Variants in C7orf25 observed in about 807,000 individuals in gnomAD.
C7orf25 encodes the protein chromosome 7 open reading frame 25.
Under a neutral mutation model 25.5 loss-of-function variants are expected in C7orf25, and 14 were observed. The ratio of observed to expected loss-of-function variants is 0.55; its 90% CI spans 0.36 to 0.86. C7orf25 has a LOEUF of 0.86. Among genes scored for constraint, C7orf25 ranks in the 40% least tolerant of loss-of-function variants. The pLI is 0.01. For synonymous variants in C7orf25, 184 were observed against 179.9 expected (o/e 1.02, Z -0.18); for missense variants, 405 against 493.9 (o/e 0.82, Z 1.71).
intron 1 of C7orf25, chr7:42,911,129 G>A: frequency 1.1e-6 from 1 of 879,174 alleles, no homozygotes; most frequent in Non-Finnish European, 1.8e-6. Context: ...TCTTCTTTAG[G>A]TACGTCTGAC....
chr7:42,909,673 G>T lies in C7orf25; in HGVS notation c.1228C>A (p.Pro410Thr). 6.2e-7 allele frequency: 1 copy of T among 1,613,966 alleles called. No homozygotes were observed. The highest frequency in any genetic ancestry group is 8.5e-7 in the Non-Finnish European group (1 of 1,179,958). Residue 410 changes from proline to threonine, a missense_variant, in exon 2 of 2, where the codon CCC (proline) becomes ACC (threonine). By Grantham distance (38) the Pro-to-Thr change is conservative (BLOSUM62 -1). Transcript: ENST00000350427. ...TCAGTTGTGTAGTCTTTTGGTAAGGGGGTGGCTAGAGCCTCTTTACTCTCA... is the reference window on the plus strand; with the variant it reads ...TCAGTTGTGTAGTCTTTTGGTAAGGTGGTGGCTAGAGCCTCTTTACTCTCA... ...LTESKEALAT[P>T]LPKDYTTDSE... is the part of the protein sequence containing the mutation.
chr7:42,911,873 G>T (rs1388272881), intron 1 of C7orf25, 42 bp downstream of exon 1: 1 of 1,400,920 alleles, frequency 7.1e-7, no homozygotes, highest in Non-Finnish European at 9.2e-7. Context: ...CAGAAGAGGC[G>T]CCCCGCTCCC....
At position 42,910,101 on chromosome 7, in the gene C7orf25, C is replaced by T; in HGVS notation, c.800G>A (p.Cys267Tyr). The change falls in exon 2 of 2, where the codon TGC becomes TAC. Residue 267 changes from cysteine to tyrosine, a missense_variant. Transcript: ENST00000350427. ...CACTTTCTCTTTGAAAATAAAGTGG[C>T]AGCCTCCATAGCTGAGGGCAGATAC... is the stretch of plus-strand genomic sequence containing the variant. The part of the protein sequence containing the change: ...TYVSALSYGG[C>Y]HFIFKEKVLT... 1.9e-6 allele frequency: 3 copies of T among 1,614,148 alleles called. No individual in the cohort carries two copies. Among genetic ancestry groups the T allele is most frequent in the Non-Finnish European group, 2.5e-6 (3 of 1,180,030 alleles).
rs545063211 is a variant in C7orf25, at chr7:42,909,407, T to C, written c.*228A>G. 2 of 490,380 alleles carry C rather than the reference T, an allele frequency of 4.1e-6. No individual in the cohort carries two copies. The highest frequency in any genetic ancestry group is 6.4e-5 in the East Asian group (2 of 31,198). The allele number at this position is 490,380 out of a possible 1,614,324, so 30.4% of individuals were successfully genotyped here. ...GCTGAAAGCTTTATATAGACGTATTTCGGTTCTTAATTGCACTAATGCAGA... is the reference window on the plus strand; with the variant it reads ...GCTGAAAGCTTTATATAGACGTATTCCGGTTCTTAATTGCACTAATGCAGA... On this transcript the variant is annotated 3_prime_UTR_variant, in exon 2 of 2. Coordinates refer to ENST00000350427, the MANE Select transcript of C7orf25 (RefSeq NM_001099858.2).
rs1785824641 is a variant in C7orf25 at position 42,909,346 on chromosome 7, A to G, written c.*289T>C. ...CATGAAATGTGGTTAGCAGTAGGGGAGTTGTAGCCCTATCGAATCAAAGTA... is the reference window on the plus strand; with the variant it reads ...CATGAAATGTGGTTAGCAGTAGGGGGGTTGTAGCCCTATCGAATCAAAGTA... On this transcript the variant is annotated 3_prime_UTR_variant, in exon 2 of 2. Coordinates refer to ENST00000350427, the MANE Select transcript of C7orf25 (RefSeq NM_001099858.2). 1 of 301,712 alleles carries G rather than the reference A, an allele frequency of 3.3e-6. No homozygotes were observed. Among genetic ancestry groups the G allele is most frequent in the Non-Finnish European group, 6.1e-6 (1 of 164,678 alleles). 18.7% of individuals were successfully genotyped at this position (301,712 alleles called of 1,614,324 possible). A position where few individuals can be genotyped will look rare whatever the true frequency, so the allele number is the denominator to read the frequency against.
Position 42,912,038 on chromosome 7 carries a change from G to C in C7orf25, c.-145C>G. ...AACGCCGAGGCGGCTCCACCCGCGC[G>C]AGCCCCGCCGCCTCGGGCACCTCCT... On this transcript the variant is annotated 5_prime_UTR_variant, in exon 1 of 2. Coordinates refer to ENST00000350427, the MANE Select transcript of C7orf25 (RefSeq NM_001099858.2). 6.8e-7 allele frequency: 1 copy of C among 1,468,546 alleles called. No homozygotes were observed. The highest frequency in any genetic ancestry group is 8.9e-7 in the Non-Finnish European group (1 of 1,118,128). The allele number at this position is 1,468,546 out of a possible 1,614,324, so 91.0% of individuals were successfully genotyped here. A position where few individuals can be genotyped will look rare whatever the true frequency, so the allele number is the denominator to read the frequency against.
Position 42,909,946 on chromosome 7 carries a change from C to T in C7orf25, c.955G>A (p.Gly319Arg), listed in dbSNP as rs1472872420. The change falls in exon 2 of 2, where the codon GGA becomes AGA. Residue 319 changes from glycine (G) to arginine (R), a missense_variant. By Grantham distance (125) the Gly-to-Arg change is moderately radical (BLOSUM62 -2). Transcript: ENST00000350427. ...KDFQSILDTL[G>R]GPGERERATV... ...GCCCTCTCTCTCTCCCCAGGTCCTC[C>T]TAAGGTATCTAAAATAGACTGAAAG... 1 of 1,614,142 alleles carries T rather than the reference C, an allele frequency of 6.2e-7. No individual in the cohort carries two copies. Among genetic ancestry groups the T allele is most frequent in the Non-Finnish European group, 8.5e-7 (1 of 1,180,022 alleles).
In C7orf25 at chr7:42,909,479, G is replaced by T. The variant is rs368665673; in HGVS notation, c.*156C>A. 5.5e-6 allele frequency: 4 copies of T among 727,788 alleles called. No homozygotes were observed. Among genetic ancestry groups the T allele is most frequent in the Non-Finnish European group, 8.7e-6 (4 of 460,330 alleles). 45.1% of individuals were successfully genotyped at this position (727,788 alleles called of 1,614,324 possible). A position where few individuals can be genotyped will look rare whatever the true frequency, so the allele number is the denominator to read the frequency against. ...CTCTTGTGCTTTTTCTACTTTGGGAGGTTATATACTTTAGATGAGAGACAA... is the reference window on the plus strand; with the variant it reads ...CTCTTGTGCTTTTTCTACTTTGGGATGTTATATACTTTAGATGAGAGACAA... On this transcript the variant is annotated 3_prime_UTR_variant, in exon 2 of 2. Coordinates refer to ENST00000350427, the MANE Select transcript of C7orf25 (RefSeq NM_001099858.2).
In C7orf25 at chr7:42,909,867, G is replaced by A. The variant is rs1403524639; in HGVS notation, c.1034C>T (p.Ala345Val). Residue 345 changes from alanine to valine, a missense_variant, in exon 2 of 2, where the codon GCC becomes GTC. Ala to Val is a moderately conservative substitution (Grantham distance 64). Transcript: ENST00000350427. ...TTTTGAACTGGCCACTAGTCTCAAG[G>A]CACGCTCAGAAGGCTGGTCTGGTAC... ...NVVPDQPSERALRLVASSKIN... is the reference protein window; with the variant it reads ...NVVPDQPSERVLRLVASSKIN... 6.2e-7 allele frequency: 1 copy of A among 1,614,074 alleles called. No homozygotes were observed. Among genetic ancestry groups the A allele is most frequent in the Non-Finnish European group, 8.5e-7 (1 of 1,180,058 alleles).
chr7:42,910,917 C>G lies in C7orf25; in HGVS notation c.-17G>C. 6.2e-7 allele frequency: 1 copy of G among 1,611,334 alleles called. No individual in the cohort carries two copies. The highest frequency in any genetic ancestry group is 8.5e-7 in the Non-Finnish European group (1 of 1,179,502). On this transcript the variant is annotated 5_prime_UTR_variant, in exon 2 of 2. Coordinates refer to ENST00000350427, the MANE Select transcript of C7orf25 (RefSeq NM_001099858.2). Reference sequence around the variant, plus strand: ...TGCAGACATGCTGTCAGCATTATTCCTTTCCTAGGGAAAGAAACAAGGCAA... The same window carrying G: ...TGCAGACATGCTGTCAGCATTATTCGTTTCCTAGGGAAAGAAACAAGGCAA...
intron 1 of C7orf25, 49 bp from the exon 2 acceptor site, chr7:42,910,970 A>C: frequency 6.2e-7 from 1 of 1,602,900 alleles, no homozygotes; most frequent in East Asian, 2.2e-5. Context: ...AAATTATGAC[A>C]ATCAATTCTT....
chr7:42,909,868 C>G lies in C7orf25; in HGVS notation c.1033G>C (p.Ala345Pro). ...TTTGAACTGGCCACTAGTCTCAAGGCACGCTCAGAAGGCTGGTCTGGTACC... is the reference window on the plus strand; with the variant it reads ...TTTGAACTGGCCACTAGTCTCAAGGGACGCTCAGAAGGCTGGTCTGGTACC... Reference protein sequence around the residue: ...NVVPDQPSERALRLVASSKIN... With the variant: ...NVVPDQPSERPLRLVASSKIN... Residue 345 changes from alanine (A) to proline (P), a missense_variant, in exon 2 of 2, where the codon GCC becomes CCC. Coordinates refer to ENST00000350427, the MANE Select transcript of C7orf25 (RefSeq NM_001099858.2). 1 of 1,614,208 alleles carries G rather than the reference C, an allele frequency of 6.2e-7. No individual in the cohort carries two copies. The highest frequency in any genetic ancestry group is 8.5e-7 in the Non-Finnish European group (1 of 1,180,042).
At chr7:42,911,658 T>C in intron 1 of C7orf25, 1 of 1,115,206 alleles carries the variant, frequency 9.0e-7, no homozygotes, top group Non-Finnish European at 1.1e-6. Flanking sequence ...GGTCGCCGGG[T>C]GGGCGGGCCA....
chr7:42,911,114 T>C, intron 1 of C7orf25, 193 bp from the exon 2 acceptor site: 2 of 972,502 alleles, frequency 2.1e-6, no homozygotes, highest in Non-Finnish European at 3.1e-6. Flanking sequence ...GCTACACTTT[T>C]GAACTCTTCT....
chr7:42,911,020 T>A (rs779139931), intron 1 of C7orf25, 99 bp from the exon 2 acceptor site: 3 of 1,575,602 alleles, frequency 1.9e-6, no homozygotes, highest in African/African-American at 1.3e-5. Flanking sequence ...ACACAGCTTA[T>A]GGAGGGTGAG....
At position 42,910,434 on chromosome 7, in the gene C7orf25, T is replaced by C. The variant is rs1785862674; in HGVS notation, c.467A>G (p.Gln156Arg). The change falls in exon 2 of 2, where the codon CAG (glutamine) becomes CGG (arginine). Residue 156 changes from glutamine (Q) to arginine (R), a missense_variant. Coordinates refer to ENST00000350427, the MANE Select transcript of C7orf25 (RefSeq NM_001099858.2). ...GTGAGGGTTGCTATACTGCACTGGCTGCTGGTGACTGGCCTGGAGGAAGTC... is the reference window on the plus strand; with the variant it reads ...GTGAGGGTTGCTATACTGCACTGGCCGCTGGTGACTGGCCTGGAGGAAGTC... Reference protein sequence around the residue: ...AEDFLQASHQQPVQYSNPHII... With the variant: ...AEDFLQASHQRPVQYSNPHII... 2 of 1,614,154 alleles carry C rather than the reference T, an allele frequency of 1.2e-6. No individual in the cohort carries two copies. Among genetic ancestry groups the C allele is most frequent in the Non-Finnish European group, 8.5e-7 (1 of 1,180,058 alleles).
At chr7:42,911,720 C>T (rs1363548482) in intron 1 of C7orf25, 195 bp downstream of exon 1, 2 of 1,190,082 alleles carry the variant, frequency 1.7e-6, no homozygotes, top group Admixed American at 4.5e-5. Context: ...CCCTGCCCGG[C>T]CACCTGCACA....
intron 1 of C7orf25, chr7:42,911,561 C>T (rs1396397521): frequency 4.0e-6 from 4 of 1,010,324 alleles, no homozygotes; most frequent in South Asian, 4.6e-5. Flanking sequence ...GCGTCCCACT[C>T]CCACTCCGAC....
In C7orf25 at chr7:42,909,820, T is replaced by C. The variant is rs1469575715; in HGVS notation, c.1081A>G (p.Ile361Val). 3.1e-6 allele frequency: 5 copies of C among 1,614,092 alleles called. No homozygotes were observed. The highest frequency in any genetic ancestry group is 1.7e-6 in the Non-Finnish European group (2 of 1,180,060). Residue 361 changes from isoleucine to valine, a missense_variant, in exon 2 of 2, where the codon ATT becomes GTT. Physicochemically the swap from Ile to Val is conservative, Grantham distance 29. Transcript: ENST00000350427. Reference protein sequence around the residue: ...SSKINSRSLTIFGTGDTLKAI... With the variant: ...SSKINSRSLTVFGTGDTLKAI... ...TTTAGGGTGTCTCCCGTCCCAAAAA[T>C]TGTTAATGAGCGGCTATTAATTTTT...
Sources: gnomAD v4.1 joint callset for allele counts on GRCh38, gnomAD v4.1.1 for gene constraint, MANE v1.5 for transcripts, NCBI Gene and HGNC (gene_info 2026-07-23, HGNC 2026-07-21) for gene names.